GRIA2: variants seen among roughly 807,000 people sequenced by gnomAD.
GRIA2 encodes glutamate receptor 2.
In GRIA2, 14 loss-of-function variants were observed where a neutral mutation model predicts 97.3. The observed-to-expected ratio is 0.14, with a 90% CI of 0.10 to 0.23. The LOEUF is 0.23. GRIA2 is among the 10% of genes least tolerant of loss of function. The pLI is 1.00. For synonymous variants in GRIA2, 412 were observed against 387.8 expected (o/e 1.06, Z -0.73); for missense variants, 558 against 1,069.8 (o/e 0.52, Z 6.67).
intron 2 of GRIA2, among the ~76,000 whole-genome samples, chr4:157,291,757 G>T (rs1476256776): frequency 6.6e-6 from 1 of 152,016 alleles, no homozygotes; most frequent in East Asian, 1.9e-4. Context: ...TTCCAAAAGT[G>T]AGTAGAGTAA....
chr4:157,221,228 CAT>C, intron 1 of GRIA2, 98 bp downstream of exon 1: 1 of 739,900 alleles, frequency 1.4e-6, no homozygotes, highest in Non-Finnish European at 2.4e-6. Context: ...AGACTTATGT[CAT>C]ACCTTGACTG....
At chr4:157,305,887 G>T (rs1184414046) in intron 3 of GRIA2, among the ~76,000 whole-genome samples, 1 of 152,012 alleles carries the variant, frequency 6.6e-6, no homozygotes, top group Non-Finnish European at 1.5e-5. Context: ...TTCATGTAAG[G>T]TGTGGCAATA....
At chr4:157,262,682 C>T (rs985764593) in intron 2 of GRIA2, among the ~76,000 whole-genome samples, 1 of 151,976 alleles carries the variant, frequency 6.6e-6, no homozygotes. Context: ...TGCATCCAAA[C>T]AAATCTCTTG....
At chr4:157,324,274 G>T (rs182366542) in intron 6 of GRIA2, among the ~76,000 whole-genome samples, 1 of 152,238 alleles carries the variant, frequency 6.6e-6, no homozygotes, top group Admixed American at 6.5e-5. Context: ...GAAAATCTGT[G>T]AGGAGAATGT....
chr4:157,289,482 T>C (rs576250572), intron 2 of GRIA2, among the ~76,000 whole-genome samples: 1 of 151,948 alleles, frequency 6.6e-6, no homozygotes, highest in African/African-American at 2.4e-5. Flanking sequence ...TTTTATTTTG[T>C]AGAGGTTGTA....
At chr4:157,302,954 A>T (rs1381143975) in intron 2 of GRIA2, among the ~76,000 whole-genome samples, 2 of 152,226 alleles carry the variant, frequency 1.3e-5, no homozygotes, top group Non-Finnish European at 2.9e-5. Flanking sequence ...CATGGGGAAG[A>T]TTAAAATGCA....
intron 6 of GRIA2, among the ~76,000 whole-genome samples, chr4:157,329,072 A>G (rs1734933542): frequency 6.6e-6 from 1 of 151,952 alleles, no homozygotes; most frequent in Admixed American, 6.6e-5. Flanking sequence ...CATAGGGTAA[A>G]CTGTAGTTGA....
chr4:157,221,478 C>A, intron 1 of GRIA2, 189 bp from the exon 2 acceptor site: 1 of 613,664 alleles, frequency 1.6e-6, no homozygotes, highest in Non-Finnish European at 2.9e-6. Flanking sequence ...CCTTCAGACT[C>A]TCATCTGGGT....
chr4:157,337,059 A>G (rs1579374084), intron 11 of GRIA2, among the ~76,000 whole-genome samples: 1 of 152,106 alleles, frequency 6.6e-6, no homozygotes, highest in East Asian at 1.9e-4. Context: ...CTCATTTTAC[A>G]GTCATCTGTG....
At chr4:157,320,296 T>G (rs1409091481) in intron 5 of GRIA2, among the ~76,000 whole-genome samples, 1 of 152,082 alleles carries the variant, frequency 6.6e-6, no homozygotes, top group African/African-American at 2.4e-5. Context: ...GGTTTTGTCA[T>G]GTAAGCAAAT....
At chr4:157,260,363 C>A (rs529407501) in intron 2 of GRIA2, among the ~76,000 whole-genome samples, 1 of 152,206 alleles carries the variant, frequency 6.6e-6, no homozygotes, top group East Asian at 1.9e-4. Flanking sequence ...TGTCACATAG[C>A]AACCTAGATA....
rs373708946 is a variant in GRIA2, at chr4:157,336,352, T to C, written c.1474-25T>C. The C allele has an allele frequency of 6.0e-6, 9 of 1,511,672 alleles. No individual in the cohort carries two copies. In the African/African-American group the frequency reaches 1.3e-4, roughly 21 times the overall value. 93.6% of individuals were successfully genotyped at this position (1,511,672 alleles called of 1,614,324 possible). A position where few individuals can be genotyped will look rare whatever the true frequency, so the allele number is the denominator to read the frequency against. On this transcript the variant is annotated intron_variant, in intron 10 of 15. Transcript: ENST00000264426. ...TTTTTCACCATGACTCCAGGTACTA[T>C]TACTTTCCTTTTTTTCCCTTACAGA... is the stretch of plus-strand genomic sequence containing the variant.
chr4:157,357,232 A>C (rs1736424268), intron 12 of GRIA2, among the ~76,000 whole-genome samples: 1 of 152,166 alleles, frequency 6.6e-6, no homozygotes, highest in Admixed American at 6.6e-5. Flanking sequence ...TTTTGAAAGT[A>C]GCTGTGAAAT....
At chr4:157,244,180 T>C (rs1239937081) in intron 2 of GRIA2, among the ~76,000 whole-genome samples, 3 of 151,900 alleles carry the variant, frequency 2.0e-5, no homozygotes, top group Non-Finnish European at 2.9e-5. Flanking sequence ...AGAAAAACCT[T>C]GGTGTGATTA....
intron 2 of GRIA2, among the ~76,000 whole-genome samples, chr4:157,254,950 T>A (rs1445653613): frequency 1.3e-5 from 2 of 152,190 alleles, no homozygotes; most frequent in East Asian, 1.9e-4. Flanking sequence ...TGTATAAATT[T>A]AAGGGGCACA....
At chr4:157,257,024 TATC>T (rs1245532298) in intron 2 of GRIA2, among the ~76,000 whole-genome samples, 1 of 152,062 alleles carries the variant, frequency 6.6e-6, no homozygotes, top group African/African-American at 2.4e-5. Context: ...TAAAAAACCT[TATC>T]ATTCTAGCCT....
chr4:157,294,470 G>A (rs1733250962), intron 2 of GRIA2, among the ~76,000 whole-genome samples: 1 of 151,386 alleles, frequency 6.6e-6, no homozygotes. Context: ...GAGAGAGAGA[G>A]AAAACAGAGC....
chr4:157,249,076 C>T (rs1730909784), intron 2 of GRIA2, among the ~76,000 whole-genome samples: 1 of 152,028 alleles, frequency 6.6e-6, no homozygotes, highest in Non-Finnish European at 1.5e-5. Flanking sequence ...CTCAAGTGAT[C>T]CTCCTGCCTC....
intron 2 of GRIA2, among the ~76,000 whole-genome samples, chr4:157,238,946 T>C (rs1430162533): frequency 1.3e-5 from 2 of 152,184 alleles, no homozygotes; most frequent in Admixed American, 6.5e-5. Flanking sequence ...TGCACACTTA[T>C]GTTTCTTCTT....
Sources: gnomAD v4.1 joint callset for allele counts (sites outside exome capture counted in the v4.1 genomes callset) on GRCh38, gnomAD v4.1.1 for gene constraint, MANE v1.5 for transcripts, NCBI Gene and HGNC (gene_info 2026-07-23, HGNC 2026-07-21) for gene names.